MTREX: variants seen among roughly 807,000 people sequenced by gnomAD.
MTREX encodes the protein exosome RNA helicase MTR4.
A neutral mutation model predicts 135.4 loss-of-function variants in MTREX; 76 were observed. The ratio of observed to expected loss-of-function variants is 0.56; its 90% confidence interval spans 0.47 to 0.68. The LOEUF (loss-of-function observed/expected upper bound fraction) is 0.68, where lower values mean the gene tolerates loss of function less well. MTREX is among the 30% of genes least tolerant of loss of function. The pLI is 0.00. For synonymous variants in MTREX, 404 were observed against 401.6 expected, an observed-to-expected ratio of 1.01 and a Z score of -0.07; for missense variants, 920 against 1,262.1, an observed-to-expected ratio of 0.73 and a Z score of 4.11.
At chr5:55,361,646 C>T (rs1374130430) in intron 15 of MTREX, among the ~76,000 whole-genome samples, 18 of 151,870 alleles carry the variant, frequency 1.2e-4, no homozygotes, top group African/African-American at 4.3e-4. Context: ...TTAGTAGAAA[C>T]GGGGTTTCAC....
chr5:55,308,189 G>T lies in MTREX; in HGVS notation c.134+42G>T, dbSNP rs1314642187. 2.6e-6 allele frequency: 4 copies of T among 1,542,564 alleles called. No homozygotes were observed. In the South Asian group the frequency reaches 5.0e-5, roughly 19 times the overall value. On this transcript the variant is annotated intron_variant, in intron 1 of 26. Transcript: ENST00000230640. ...AGTTGTTGCTTTTATTTTTTTTCTC[G>T]GTGGGGAGGAAGAAAACACTACTCT...
intron 23 of MTREX, among the ~76,000 whole-genome samples, chr5:55,413,391 A>G (rs1052523994): frequency 2.0e-5 from 3 of 146,582 alleles, no homozygotes; most frequent in African/African-American, 5.0e-5. Flanking sequence ...TCTCATACAT[A>G]CATACATATC....
chr5:55,327,661 C>A, intron 3 of MTREX, 55 bp from the exon 4 acceptor site: 1 of 1,305,196 alleles, frequency 7.7e-7, no homozygotes, highest in Non-Finnish European at 1.1e-6. Context: ...ATGCTAAATA[C>A]ATCAGTTCTC....
intron 1 of MTREX, among the ~76,000 whole-genome samples, chr5:55,317,046 T>C (rs1032882676): frequency 2.1e-4 from 32 of 150,382 alleles, no homozygotes; most frequent in East Asian, 1.4e-3. Context: ...ACCTCCCCCC[T>C]CCCACACACA....
intron 22 of MTREX, among the ~76,000 whole-genome samples, chr5:55,407,337 A>G (rs1325385588): frequency 1.3e-5 from 2 of 152,146 alleles, no homozygotes; most frequent in African/African-American, 4.8e-5. Context: ...AATTAATAAC[A>G]TATCCAGGAT....
intron 23 of MTREX, among the ~76,000 whole-genome samples, chr5:55,413,024 A>C (rs2111617020): frequency 6.6e-6 from 1 of 152,174 alleles, no homozygotes; most frequent in Non-Finnish European, 1.5e-5. Context: ...ATATGTCGCA[A>C]CTAGCCTACA....
chr5:55,397,596 T>G, intron 20 of MTREX, 70 bp downstream of exon 20: 1 of 898,886 alleles, frequency 1.1e-6, no homozygotes. Context: ...AAGAGGCAAC[T>G]GAAATGCTTT....
rs552804941 is a variant in MTREX at position 55,329,600 on chromosome 5, C to CCT, written c.515+789_515+790insCT. 5.4e-3 allele frequency among the ~76,000 whole-genome samples: 825 copies of CCT among 152,258 alleles called. 4 individuals carry two copies. The highest frequency in any genetic ancestry group is 0.019 in the African/African-American group (795 of 41,552). ...TTTAGCAGTTTATTGTAGTGCAGTTCTACTGATGAGAAAATCTTAACTTTT... is the reference window on the plus strand; with the variant it reads ...TTTAGCAGTTTATTGTAGTGCAGTTCCTTACTGATGAGAAAATCTTAACTTTT... On this transcript the variant is annotated intron_variant, in intron 5 of 26. Coordinates refer to ENST00000230640, the MANE Select transcript of MTREX (RefSeq NM_015360.5).
intron 1 of MTREX, among the ~76,000 whole-genome samples, chr5:55,311,212 C>G (rs1749106516): frequency 6.6e-6 from 1 of 152,076 alleles, no homozygotes; most frequent in Non-Finnish European, 1.5e-5. Context: ...TCTATTCCTA[C>G]ATCTTTTTTT....
At chr5:55,327,218 T>C (rs984853092) in intron 3 of MTREX, among the ~76,000 whole-genome samples, 2 of 152,228 alleles carry the variant, frequency 1.3e-5, no homozygotes, top group Admixed American at 1.3e-4. Context: ...TACCCAGTAA[T>C]GGGATCCTGG....
chr5:55,321,280 A>T (rs1368131502), intron 1 of MTREX, among the ~76,000 whole-genome samples: 1 of 152,184 alleles, frequency 6.6e-6, no homozygotes, highest in African/African-American at 2.4e-5. Flanking sequence ...TATCTGATTT[A>T]CAATTCTGTC....
intron 14 of MTREX, among the ~76,000 whole-genome samples, chr5:55,354,170 A>G (rs768669631): frequency 9.2e-5 from 14 of 152,234 alleles, no homozygotes; most frequent in Non-Finnish European, 1.9e-4. Flanking sequence ...CAAAAAGACA[A>G]TCCAGACTCG....
At chr5:55,424,686 T>A (rs922569331) in intron 26 of MTREX, 34 bp from the exon 27 acceptor site, 8 of 1,543,630 alleles carry the variant, frequency 5.2e-6, no homozygotes, top group Non-Finnish European at 6.3e-6. Flanking sequence ...TTTTGTGGTC[T>A]TGAAAGTTTA....
At chr5:55,378,678 A>T (rs527616801) in intron 17 of MTREX, among the ~76,000 whole-genome samples, 192 bp downstream of exon 17, 6 of 152,090 alleles carry the variant, frequency 3.9e-5, no homozygotes, top group Non-Finnish European at 8.8e-5. Flanking sequence ...TTTAATCACC[A>T]CTGGTTTTTG....
intron 16 of MTREX, among the ~76,000 whole-genome samples, chr5:55,375,483 T>C (rs892866896): frequency 5.9e-5 from 9 of 152,346 alleles, no homozygotes; most frequent in Non-Finnish European, 8.8e-5. Context: ...GGCTCTGTTC[T>C]GCCCGGCTCA....
chr5:55,392,821 A>C (rs1044759631), intron 19 of MTREX, among the ~76,000 whole-genome samples: 1 of 152,072 alleles, frequency 6.6e-6, no homozygotes, highest in Middle Eastern at 3.2e-3. Flanking sequence ...TTTCCTTTTA[A>C]GCTTTCTGGT....
At chr5:55,391,926 T>C (rs1750573582) in intron 19 of MTREX, among the ~76,000 whole-genome samples, 1 of 152,200 alleles carries the variant, frequency 6.6e-6, no homozygotes, top group Non-Finnish European at 1.5e-5. Flanking sequence ...AAATATTAAC[T>C]ACCTAATCCT....
rs1748985120 is a variant in MTREX at position 55,307,989 on chromosome 5, A to T, written c.-25A>T. 1.2e-6 allele frequency: 2 copies of T among 1,613,776 alleles called. No individual in the cohort carries two copies. The highest frequency in any genetic ancestry group is 1.7e-6 in the Non-Finnish European group (2 of 1,179,954). On this transcript the variant is annotated 5_prime_UTR_variant, in exon 1 of 27. Coordinates refer to ENST00000230640, the MANE Select transcript of MTREX (RefSeq NM_015360.5). ...TCGCGGGGCATCGTGGGTAGGAGGG[A>T]GATTTGCTCTCACTGCTCCCAAAAA...
Position 55,320,024 on chromosome 5 carries a change from T to C in MTREX, c.135-2303T>C, listed in dbSNP as rs75462553. Among the ~76,000 whole-genome samples the C allele has an allele frequency of 2.8e-4, 43 of 152,294 alleles. No individual in the cohort carries two copies. The East Asian group carries it at 8.1e-3, about 29-fold the overall frequency. Reference sequence around the variant, plus strand: ...TTGTTTTACTGAGGCCCAAGGATATTGATGACCTGTCCAGAAGAGGTTCAC... The same window carrying C: ...TTGTTTTACTGAGGCCCAAGGATATCGATGACCTGTCCAGAAGAGGTTCAC... On this transcript the variant is annotated intron_variant, in intron 1 of 26. Coordinates refer to ENST00000230640, the MANE Select transcript of MTREX (RefSeq NM_015360.5).
Sources: gnomAD v4.1 joint callset for allele counts (sites outside exome capture counted in the v4.1 genomes callset) on GRCh38, gnomAD v4.1.1 for gene constraint, MANE v1.5 for transcripts, NCBI Gene and HGNC (gene_info 2026-07-23, HGNC 2026-07-21) for gene names.